NID2: variants seen among roughly 807,000 people sequenced by gnomAD.
NID2 encodes nidogen-2.
Under a neutral mutation model 145.4 loss-of-function variants are expected in NID2, and 83 were observed. The ratio of observed to expected loss-of-function variants is 0.57; its 90% CI spans 0.48 to 0.69. The LOEUF (loss-of-function observed/expected upper bound fraction) is 0.69. Ranked by LOEUF, NID2 falls within the 30% of genes least tolerant of loss-of-function variation. The pLI, the probability that NID2 is intolerant of heterozygous loss-of-function variation, is 0.00. For missense variants in NID2, 1,807 were observed against 1,765.7 expected, an observed-to-expected ratio of 1.02 and a Z score of -0.42; for synonymous variants, 739 against 701.3, an observed-to-expected ratio of 1.05 and a Z score of -0.85.
At chr14:52,032,898 T>C (rs765463781) in intron 9 of NID2, among the ~76,000 whole-genome samples, 1 of 151,984 alleles carries the variant, frequency 6.6e-6, no homozygotes. Flanking sequence ...CCCTAATTAC[T>C]CAATACTGAT....
intron 19 of NID2, 27 bp downstream of exon 19, chr14:52,007,783 C>CTATT (rs1739552743): frequency 1.3e-6 from 2 of 1,596,284 alleles, no homozygotes; most frequent in Non-Finnish European, 8.6e-7. Context: ...GAGAGGTTAT[C>CTATT]TATTTGCATT....
intron 9 of NID2, among the ~76,000 whole-genome samples, chr14:52,030,602 GAAAGAGAAAGAAAA>G (rs1891814704): frequency 1.1e-5 from 1 of 92,282 alleles, no homozygotes; most frequent in Non-Finnish European, 2.3e-5. Context: ...AAGAAAGAAA[GAAAGAGAAAGAAAA>G]AGAAAGAAAG....
At position 52,051,795 on chromosome 14, in the gene NID2, A is replaced by G. The variant is rs115392621; in HGVS notation, c.1429+1784T>C. ...AAAATGCGTATTAACCAGCTTTTTC[A>G]CAGGCGTTTTTTGCCATTACCAGGA... On this transcript the variant is annotated intron_variant, in intron 5 of 21. Transcript: ENST00000216286. Among the ~76,000 whole-genome samples, 554 of 152,346 alleles carry G rather than the reference A, an allele frequency of 3.6e-3. 2 individuals are homozygous for G. Among genetic ancestry groups the G allele is most frequent in the African/African-American group, 0.012 (517 of 41,582 alleles).
rs764499601 is a variant in NID2, at chr14:52,053,679, T to A, written c.1329A>T (p.Glu443Asp). The A allele has an allele frequency of 6.2e-7, 1 of 1,614,170 alleles. No homozygotes were observed. The change falls in exon 5 of 22, where the codon GAA (glutamate) becomes GAT (aspartate). Residue 443 changes from glutamate to aspartate, a missense_variant. By Grantham distance (45) the Glu-to-Asp change is conservative (BLOSUM62 2). Transcript: ENST00000216286. Reference sequence around the variant, plus strand: ...AAGCAGGGTAACTTCGAAGAACAATTTCTTCTTCAGGATGAGCTGGGGGAA... The same window carrying A: ...AAGCAGGGTAACTTCGAAGAACAATATCTTCTTCAGGATGAGCTGGGGGAA... ...MDVPPAHPEE[E>D]IVLRSYPASG...
chr14:52,007,075 G>A, intron 19 of NID2: 1 of 155,240 alleles, frequency 6.4e-6, no homozygotes, highest in Non-Finnish European at 1.4e-5. Flanking sequence ...CTAGGTAGGA[G>A]GAAAAAAGTG....
intron 12 of NID2, among the ~76,000 whole-genome samples, chr14:52,026,748 G>A (rs1330435229): frequency 6.6e-6 from 1 of 152,186 alleles, no homozygotes; most frequent in Non-Finnish European, 1.5e-5. Context: ...TTTGATATGT[G>A]TCTTTTTATA....
At chr14:52,041,546 G>A (rs1566763316) in intron 7 of NID2, among the ~76,000 whole-genome samples, 1 of 152,172 alleles carries the variant, frequency 6.6e-6, no homozygotes, top group Non-Finnish European at 1.5e-5. Flanking sequence ...GGCCTTTCCA[G>A]CAACACTGGT....
intron 21 of NID2, 56 bp from the exon 22 acceptor site, chr14:52,005,552 G>C: frequency 6.4e-7 from 1 of 1,570,214 alleles, no homozygotes; most frequent in Non-Finnish European, 8.7e-7. Flanking sequence ...TTGTAACCAA[G>C]TTGCAACAGC....
chr14:52,032,648 G>A (rs1891908779), intron 9 of NID2, among the ~76,000 whole-genome samples: 1 of 152,114 alleles, frequency 6.6e-6, no homozygotes, highest in Non-Finnish European at 1.5e-5. Context: ...CACCAAAGCA[G>A]GAAGTAATTG....
At chr14:52,019,504 C>G (rs1238651913) in intron 13 of NID2, among the ~76,000 whole-genome samples, 1 of 152,180 alleles carries the variant, frequency 6.6e-6, no homozygotes, top group African/African-American at 2.4e-5. Flanking sequence ...AAGTGTAAAG[C>G]AGCCCGGCCC....
chr14:52,060,930 T>A (rs1393130918), intron 2 of NID2, among the ~76,000 whole-genome samples: 2 of 152,334 alleles, frequency 1.3e-5, no homozygotes, highest in Non-Finnish European at 2.9e-5. Context: ...ATCAGGGTTA[T>A]CCTCATTTCA....
intron 14 of NID2, 148 bp downstream of exon 14, chr14:52,018,913 T>TTATTCACTATTATTATTA: frequency 3.2e-6 from 2 of 621,968 alleles, no homozygotes; most frequent in South Asian, 3.9e-5. Flanking sequence ...AACATGCATA[T>TTATTCACTATTATTATTA]TTGTACGCAC....
At position 52,027,633 on chromosome 14, in the gene NID2, T is replaced by TACACACACACACACACACACACAC. The variant is rs59049676; in HGVS notation, c.2531-313_2531-290dup. 1.1e-4 allele frequency among the ~76,000 whole-genome samples: 16 copies of TACACACACACACACACACACACAC among 144,248 alleles called. No homozygotes were observed. The East Asian group carries it at 2.7e-3, about 24-fold the overall frequency. 94.6% of individuals were successfully genotyped at this position (144,248 alleles called of 152,430 possible). The stretch of plus-strand genomic sequence containing the variant: ...GTTTATAACACTCCAGAGCAATTGC[T>TACACACACACACACACACACACAC]ACACACACACACACACACACACACA... On this transcript the variant is annotated intron_variant, in intron 11 of 21. Transcript: ENST00000216286.
At chr14:52,062,077 A>C (rs1311953580) in intron 2 of NID2, among the ~76,000 whole-genome samples, 4 of 152,214 alleles carry the variant, frequency 2.6e-5, no homozygotes, top group Admixed American at 6.5e-5. Context: ...CCTTTGTTCT[A>C]AGTCTACTCC....
chr14:52,021,906 C>T, intron 12 of NID2, among the ~76,000 whole-genome samples: 1 of 152,214 alleles, frequency 6.6e-6, no homozygotes, highest in East Asian at 1.9e-4. Context: ...CATCCAATAC[C>T]TTGGACCTGG....
At chr14:52,016,469 A>G (rs1267574777) in intron 14 of NID2, among the ~76,000 whole-genome samples, 1 of 151,960 alleles carries the variant, frequency 6.6e-6, no homozygotes, top group African/African-American at 2.4e-5. Context: ...TGGCACCTCC[A>G]TTTTTCCACT....
intron 9 of NID2, among the ~76,000 whole-genome samples, chr14:52,035,858 A>ATGTATATATG (rs1892045808): frequency 8.7e-6 from 1 of 115,188 alleles, no homozygotes; most frequent in African/African-American, 3.8e-5. Flanking sequence ...TTTTTTGTGT[A>ATGTATATATG]TATATATATA....
intron 9 of NID2, among the ~76,000 whole-genome samples, chr14:52,032,958 G>C (rs1476247994): frequency 6.6e-6 from 1 of 152,122 alleles, no homozygotes; most frequent in African/African-American, 2.4e-5. Context: ...GCAATCCCCA[G>C]TGCAAAATGA....
chr14:52,024,739 C>A (rs1320696101), intron 12 of NID2, among the ~76,000 whole-genome samples: 1 of 151,814 alleles, frequency 6.6e-6, no homozygotes, highest in East Asian at 1.9e-4. Flanking sequence ...AAGCAGAGAA[C>A]CAGAAATAAA....
Sources: allele counts gnomAD v4.1 joint callset (sites outside exome capture counted in the v4.1 genomes callset), GRCh38; gene constraint gnomAD v4.1.1; transcripts MANE v1.5; gene names NCBI Gene and HGNC (gene_info 2026-07-23, HGNC 2026-07-21).